Variants in HBS1L observed in about 807,000 individuals in gnomAD.
HBS1L encodes HBS1-like protein.
A neutral mutation model predicts 88.9 loss-of-function variants in HBS1L; 55 were observed. That is an observed-to-expected ratio of 0.62 (90% CI 0.50 to 0.77). The LOEUF is 0.77. Among genes scored for constraint, HBS1L ranks in the 30% least tolerant of loss-of-function variants. The pLI is 0.00. For missense variants in HBS1L, 741 were observed against 829.3 expected (o/e 0.89, Z 1.31); for synonymous variants, 267 against 288.5 (o/e 0.93, Z 0.76).
At chr6:135,037,312 T>C (rs756852782) in intron 4 of HBS1L, 54 of 1,551,850 alleles carry the variant, frequency 3.5e-5, no homozygotes. Context: ...TTCTTTGTGT[T>C]CCTGAAACAG....
chr6:134,965,454 AC>A (rs775674702), intron 17 of HBS1L, among the ~76,000 whole-genome samples, 164 bp from the exon 18 acceptor site: 23 of 152,326 alleles, frequency 1.5e-4, no homozygotes, highest in Middle Eastern at 3.4e-3. Flanking sequence ...TCTGCAATTT[AC>A]TATAATCTCT....
At position 134,966,422 on chromosome 6, in the gene HBS1L, T is replaced by C; in HGVS notation, c.1950A>G (p.Pro650=). 1 of 1,611,068 alleles carries C rather than the reference T, an allele frequency of 6.2e-7. No homozygotes were observed. Among genetic ancestry groups the C allele is most frequent in the Non-Finnish European group, 8.5e-7 (1 of 1,177,658 alleles). ...AGTCTTTATATAGCTCAAGAGCTAT[T>C]GGTCTTTGTGTCTGTAGCTCTACCA... The part of the protein sequence containing the change: ...NALVELQTQR[P]IALELYKDFK... The change falls in exon 17 of 18, where the codon CCA becomes CCG. Residue 650 remains proline (P), a synonymous_variant. Transcript: ENST00000367837.
Position 134,964,854 on chromosome 6 carries a change from T to C in HBS1L, c.*425A>G, listed in dbSNP as rs893211864. On this transcript the variant is annotated 3_prime_UTR_variant, in exon 18 of 18. Transcript: ENST00000367837. ...AAAAAAAAAAAAAGCTTAGGTCAAATATCAACTGCCTGAAAAACCCAATTA... is the reference window on the plus strand; with the variant it reads ...AAAAAAAAAAAAAGCTTAGGTCAAACATCAACTGCCTGAAAAACCCAATTA... 7.0e-6 allele frequency: 1 copy of C among 142,764 alleles called. No homozygotes were observed. Among genetic ancestry groups the C allele is most frequent in the African/African-American group, 2.7e-5 (1 of 37,460 alleles). The allele number at this position is 142,764 out of a possible 1,614,324, so 8.8% of individuals were successfully genotyped here. A position where few individuals can be genotyped will look rare whatever the true frequency, so the allele number is the denominator to read the frequency against.
intron 4 of HBS1L, among the ~76,000 whole-genome samples, chr6:135,024,733 ATGT>A (rs1298536660): frequency 2.0e-5 from 3 of 151,996 alleles, no homozygotes; most frequent in African/African-American, 7.3e-5. Flanking sequence ...ATGAACTAAA[ATGT>A]TGTCTAAATT....
intron 2 of HBS1L, among the ~76,000 whole-genome samples, chr6:135,044,846 T>A (rs551946355): frequency 2.0e-5 from 3 of 152,216 alleles, no homozygotes; most frequent in African/African-American, 7.2e-5. Flanking sequence ...TGAAATCAGA[T>A]GTTTCCCTCA....
At chr6:135,015,824 C>T (rs1465250750) in intron 4 of HBS1L, among the ~76,000 whole-genome samples, 2 of 151,456 alleles carry the variant, frequency 1.3e-5, no homozygotes, top group Non-Finnish European at 3.0e-5. Context: ...CTCAAGCAAT[C>T]CACCCACCTC....
chr6:134,994,899 C>A (rs945176692), intron 7 of HBS1L, among the ~76,000 whole-genome samples: 3 of 151,966 alleles, frequency 2.0e-5, no homozygotes, highest in African/African-American at 7.2e-5. Context: ...CCAGAATCAC[C>A]CAAAGTAAGG....
chr6:134,979,090 A>G, intron 14 of HBS1L, 88 bp downstream of exon 14: 1 of 881,556 alleles, frequency 1.1e-6, no homozygotes, highest in Non-Finnish European at 1.8e-6. Context: ...GAAATTCAAA[A>G]TTGAACTAGC....
chr6:135,053,883 T>G (rs1022018613), intron 1 of HBS1L, among the ~76,000 whole-genome samples: 1 of 152,276 alleles, frequency 6.6e-6, no homozygotes, highest in African/African-American at 2.4e-5. Flanking sequence ...TAACTCCTGT[T>G]AACTCCTACA....
At chr6:135,042,175 T>C (rs775836224) in intron 2 of HBS1L, 49 bp from the exon 3 acceptor site, 1 of 1,501,658 alleles carries the variant, frequency 6.7e-7, no homozygotes, top group Non-Finnish European at 9.0e-7. Context: ...CATTTCCTAT[T>C]AACTTTTTTT....
intron 2 of HBS1L, among the ~76,000 whole-genome samples, chr6:135,045,708 G>A (rs777868282): frequency 2.0e-5 from 3 of 152,066 alleles, no homozygotes; most frequent in Admixed American, 6.5e-5. Flanking sequence ...GGTGGCGGGC[G>A]CCTGCAATCC....
rs1335794724 is a variant in HBS1L at position 134,962,765 on chromosome 6, A to G, written c.*2514T>C. 1 of 152,230 alleles carries G rather than the reference A, an allele frequency of 6.6e-6. No individual in the cohort carries two copies. The highest frequency in any genetic ancestry group is 6.5e-5 in the Admixed American group (1 of 15,282). 9.4% of individuals were successfully genotyped at this position (152,230 alleles called of 1,614,324 possible). A position where few individuals can be genotyped will look rare whatever the true frequency, so the allele number is the denominator to read the frequency against. Reference sequence around the variant, plus strand: ...CAGGACAAGAAATACCTGAAGCAAAATGACACAAAATGGATGTACTATAAA... The same window carrying G: ...CAGGACAAGAAATACCTGAAGCAAAGTGACACAAAATGGATGTACTATAAA... On this transcript the variant is annotated 3_prime_UTR_variant, in exon 18 of 18. Coordinates refer to ENST00000367837, the MANE Select transcript of HBS1L (RefSeq NM_006620.4).
At chr6:135,050,433 T>C in intron 2 of HBS1L, 149 bp downstream of exon 2, 4 of 512,134 alleles carry the variant, frequency 7.8e-6, no homozygotes, top group Non-Finnish European at 1.4e-5. Context: ...GGAAAAGAAA[T>C]TATTTTATAT....
chr6:134,993,788 G>T lies in HBS1L; in HGVS notation c.1053C>A (p.Phe351Leu). 6.3e-7 allele frequency: 1 copy of T among 1,594,914 alleles called. No homozygotes were observed. The highest frequency in any genetic ancestry group is 1.1e-5 in the South Asian group (1 of 88,058). Residue 351 changes from phenylalanine to leucine, a missense_variant, in exon 8 of 18, where the codon TTC (phenylalanine) becomes TTA (leucine). Coordinates refer to ENST00000367837, the MANE Select transcript of HBS1L (RefSeq NM_006620.4). ...CTGCTCCTGTAATCATATTTGGAATGAAGTCCTTATGGCCTGGAGCATCCA... is the reference window on the plus strand; with the variant it reads ...CTGCTCCTGTAATCATATTTGGAATTAAGTCCTTATGGCCTGGAGCATCCA... ...TLMDAPGHKD[F>L]IPNMITGAAQ...
intron 4 of HBS1L, chr6:135,037,664 G>A (rs1422661088): frequency 1.3e-6 from 2 of 1,550,476 alleles, no homozygotes; most frequent in African/African-American, 1.4e-5. Context: ...GATGCATGAG[G>A]TCTCAACAAA....
intron 5 of HBS1L, among the ~76,000 whole-genome samples, chr6:135,001,919 T>TA (rs1000345724): frequency 5.6e-4 from 85 of 151,372 alleles, no homozygotes; most frequent in African/African-American, 2.0e-3. Flanking sequence ...TTTATATTTT[T>TA]AAAAAAATAT....
intron 9 of HBS1L, among the ~76,000 whole-genome samples, chr6:134,987,160 C>A (rs886804012): frequency 2.6e-5 from 4 of 151,890 alleles, no homozygotes; most frequent in African/African-American, 7.2e-5. Flanking sequence ...GCCATAAAAA[C>A]AATACCCTCT....
intron 7 of HBS1L, among the ~76,000 whole-genome samples, chr6:134,994,643 T>C (rs1775241541): frequency 4.6e-5 from 7 of 152,168 alleles, no homozygotes; most frequent in Admixed American, 4.6e-4. Flanking sequence ...GAAGGGAATC[T>C]TATGCAACAT....
At chr6:135,041,168 C>A (rs969945219) in intron 3 of HBS1L, among the ~76,000 whole-genome samples, 18 of 151,296 alleles carry the variant, frequency 1.2e-4, no homozygotes, top group African/African-American at 4.1e-4. Context: ...GTATTTGATA[C>A]TTCTTTCATT....
Sources: allele counts gnomAD v4.1 joint callset (sites outside exome capture counted in the v4.1 genomes callset), GRCh38; gene constraint gnomAD v4.1.1; transcripts MANE v1.5; gene names NCBI Gene and HGNC (gene_info 2026-07-23, HGNC 2026-07-21).